The following CUX2 variants were observed in gnomAD, a reference collection of about 807,000 sequenced individuals.
CUX2 encodes homeobox protein cut-like 2.
Under a neutral mutation model 144.8 loss-of-function variants are expected in CUX2, and 40 were observed. That is an observed-to-expected ratio of 0.28 (90% CI 0.21 to 0.36). The LOEUF (loss-of-function observed/expected upper bound fraction) is 0.36, where lower values mean the gene tolerates loss of function less well. Among genes scored for constraint, CUX2 ranks in the 10% least tolerant of loss-of-function variants. CUX2 has a pLI of 1.00. For synonymous variants in CUX2, 827 were observed against 875.6 expected (o/e 0.94, Z 0.98); for missense variants, 1,615 against 1,994.0 (o/e 0.81, Z 3.62).
Position 111,160,897 on chromosome 12 carries a change from G to A in CUX2, c.64-53303G>A, listed in dbSNP as rs1454506478. On this transcript the variant is annotated intron_variant, in intron 1 of 21. Coordinates refer to ENST00000261726, the MANE Select transcript of CUX2 (RefSeq NM_015267.4). This position sits in a 1 kb window ranked among gnomAD's most constrained non-coding sequence, Gnocchi z 4.1. The stretch of plus-strand genomic sequence containing the variant: ...TGGACTCCGTGCCGCTTCCTGCCAT[G>A]GGGAAGATGCAGGGAGGAATAGCGG... Among the ~76,000 whole-genome samples the A allele has an allele frequency of 6.6e-6, 1 of 152,168 alleles. No individual in the cohort carries two copies. Among genetic ancestry groups the A allele is most frequent in the Non-Finnish European group, 1.5e-5 (1 of 68,016 alleles).
At chr12:111,317,846 A>G (rs925393259) in intron 16 of CUX2, among the ~76,000 whole-genome samples, 1 of 152,040 alleles carries the variant, frequency 6.6e-6, no homozygotes, top group South Asian at 2.1e-4. Flanking sequence ...AAATACAAAA[A>G]AAAATTAGCC....
chr12:111,150,467 C>T (rs879558491), intron 1 of CUX2, among the ~76,000 whole-genome samples: 1 of 152,120 alleles, frequency 6.6e-6, no homozygotes, highest in South Asian at 2.1e-4. Context: ...GTGGGTAACA[C>T]GGGGCTCCGG....
intron 1 of CUX2, among the ~76,000 whole-genome samples, chr12:111,069,122 A>C (rs535966544): frequency 1.7e-4 from 26 of 152,254 alleles, no homozygotes; most frequent in African/African-American, 6.3e-4. Flanking sequence ...GAAAAAAAGG[A>C]ATGTGGCCCT....
chr12:111,208,212 CTT>C (rs1881025252), intron 1 of CUX2, among the ~76,000 whole-genome samples: 1 of 152,074 alleles, frequency 6.6e-6, no homozygotes, highest in African/African-American at 2.4e-5. Flanking sequence ...CCAACAATCA[CTT>C]TTTAGGTTTC....
chr12:111,139,556 A>G (rs1876156471), intron 1 of CUX2, among the ~76,000 whole-genome samples: 2 of 152,162 alleles, frequency 1.3e-5, no homozygotes, highest in Admixed American at 1.3e-4. Context: ...AGGCTCTTCT[A>G]AGGCAGCGGG....
At chr12:111,192,819 C>T (rs1879979733) in intron 1 of CUX2, among the ~76,000 whole-genome samples, 1 of 152,240 alleles carries the variant, frequency 6.6e-6, no homozygotes, top group African/African-American at 2.4e-5. Flanking sequence ...TTCACAAACA[C>T]ATGGTGGAAT....
rs749528798 is a variant in CUX2, at chr12:111,053,041, G to A, written c.63+18801G>A. On this transcript the variant is annotated intron_variant, in intron 1 of 21. Transcript: ENST00000261726. ...GGTGCAGGGGCAAAGCAGGGTTATT[G>A]CCGAACAGACTGGCTCTGCTCTTGC... is the stretch of plus-strand genomic sequence containing the variant. Among the ~76,000 whole-genome samples, 196 of 152,002 alleles carry A rather than the reference G, an allele frequency of 1.3e-3. 1 individual carries two copies. The highest frequency in any genetic ancestry group is 7.8e-4 in the East Asian group (4 of 5,150).
intron 1 of CUX2, among the ~76,000 whole-genome samples, chr12:111,038,171 A>AT (rs900548053): frequency 6.6e-6 from 1 of 152,248 alleles, no homozygotes; most frequent in African/African-American, 2.4e-5. Context: ...TGATTAAAAT[A>AT]TTATAACCTT....
At chr12:111,123,282 A>G (rs1874809917) in intron 1 of CUX2, among the ~76,000 whole-genome samples, 1 of 152,186 alleles carries the variant, frequency 6.6e-6, no homozygotes, top group African/African-American at 2.4e-5. Context: ...TCCCAGGCTC[A>G]AGTGATTTTC....
At chr12:111,134,620 C>CTCTCTG (rs1026548098) in intron 1 of CUX2, among the ~76,000 whole-genome samples, 29 of 142,202 alleles carry the variant, frequency 2.0e-4, no homozygotes, top group Middle Eastern at 3.5e-3. Flanking sequence ...CTCTCTCTCT[C>CTCTCTG]TGTGTGTGTG....
intron 3 of CUX2, among the ~76,000 whole-genome samples, chr12:111,226,085 A>G (rs1882125668): frequency 1.3e-5 from 2 of 152,214 alleles, no homozygotes; most frequent in Admixed American, 1.3e-4. Flanking sequence ...CTGGGACTAC[A>G]GGCGTGCGCC....
rs190494886 is a variant in CUX2 at position 111,107,501 on chromosome 12, C to T, written c.63+73261C>T. ...TTGCCTCAGGGAGTTCCGGGAGCTGCAGGTTTCACCTGGGGAGGGCCCAGT... is the reference window on the plus strand; with the variant it reads ...TTGCCTCAGGGAGTTCCGGGAGCTGTAGGTTTCACCTGGGGAGGGCCCAGT... On this transcript the variant is annotated intron_variant, in intron 1 of 21. Transcript: ENST00000261726. 1.3e-3 allele frequency among the ~76,000 whole-genome samples: 200 copies of T among 152,380 alleles called. 1 individual carries two copies. Among genetic ancestry groups the T allele is most frequent in the Non-Finnish European group, 2.4e-3 (165 of 68,034 alleles).
At chr12:111,145,512 G>GTAT (rs1876609300) in intron 1 of CUX2, among the ~76,000 whole-genome samples, 1 of 151,982 alleles carries the variant, frequency 6.6e-6, no homozygotes, top group South Asian at 2.1e-4. Flanking sequence ...GGGAATACAG[G>GTAT]TATACGCCAC....
chr12:111,292,704 A>G (rs1185458302), intron 5 of CUX2, among the ~76,000 whole-genome samples: 2 of 152,256 alleles, frequency 1.3e-5, no homozygotes, highest in African/African-American at 4.8e-5. Flanking sequence ...TGGTAGAGAC[A>G]GAAAGGAGAT....
At position 111,341,893 on chromosome 12, in the gene CUX2, C is replaced by A. The variant is rs766175656; in HGVS notation, c.3499C>A (p.Gln1167Lys). The stretch of plus-strand genomic sequence containing the variant: ...GCAGCCCCAGGACCTGAGCCTCCTG[C>A]AGATCAAGAAGCCCCGGGTGGTGCT... ...CLQPQDLSLL[Q>K]IKKPRVVLAP... The change falls in exon 21 of 22, where the codon CAG (glutamine) becomes AAG (lysine). Residue 1167 changes from glutamine (Q) to lysine (K), a missense_variant. Gln to Lys is a moderately conservative substitution (Grantham distance 53, BLOSUM62 1). Coordinates refer to ENST00000261726, the MANE Select transcript of CUX2 (RefSeq NM_015267.4). 1 of 1,614,076 alleles carries A rather than the reference C, an allele frequency of 6.2e-7. No homozygotes were observed. The highest frequency in any genetic ancestry group is 8.5e-7 in the Non-Finnish European group (1 of 1,180,018).
At chr12:111,172,298 T>G (rs1433446171) in intron 1 of CUX2, among the ~76,000 whole-genome samples, 1 of 152,140 alleles carries the variant, frequency 6.6e-6, no homozygotes, top group Admixed American at 6.5e-5. Flanking sequence ...AAACAATTAT[T>G]GGAATTTAGG....
intron 1 of CUX2, among the ~76,000 whole-genome samples, chr12:111,073,852 T>C (rs1337605701): frequency 6.6e-6 from 1 of 151,942 alleles, no homozygotes; most frequent in Non-Finnish European, 1.5e-5. Flanking sequence ...TTCTAGCTAC[T>C]CCGGAGGCTG....
At chr12:111,066,241 T>TA (rs1871014495) in intron 1 of CUX2, among the ~76,000 whole-genome samples, 1 of 152,226 alleles carries the variant, frequency 6.6e-6, no homozygotes, top group Non-Finnish European at 1.5e-5. Context: ...GGGAATTTCT[T>TA]ACTTTTTCCA....
At chr12:111,259,223 GT>G (rs1188309440) in intron 3 of CUX2, among the ~76,000 whole-genome samples, 1 of 152,086 alleles carries the variant, frequency 6.6e-6, no homozygotes, top group East Asian at 1.9e-4. Flanking sequence ...TCTTATCTCT[GT>G]TTTTAAAAAT....
Sources: gnomAD v4.1 joint callset for allele counts (sites outside exome capture counted in the v4.1 genomes callset) on GRCh38, gnomAD v4.1.1 for gene constraint, Gnocchi (gnomAD v3.1) non-coding constraint, MANE v1.5 for transcripts, NCBI Gene and HGNC (gene_info 2026-07-23, HGNC 2026-07-21) for gene names.